The following TAFA1 variants were observed in gnomAD, a reference collection of about 807,000 sequenced individuals.
TAFA1 encodes TAFA chemokine like family member 1, also known as chemokine-like protein TAFA-1.
TAFA1 carries 4 observed loss-of-function variants against 18.5 expected under a neutral mutation model. That is an observed-to-expected ratio of 0.22 (90% CI 0.11 to 0.49). TAFA1 has a LOEUF of 0.49. TAFA1 is among the 20% of genes least tolerant of loss of function. TAFA1 has a pLI of 0.98. For missense variants in TAFA1, 147 were observed against 169.0 expected, an observed-to-expected ratio of 0.87 and a Z score of 0.72; for synonymous variants, 56 against 55.2, an observed-to-expected ratio of 1.01 and a Z score of -0.06.
At chr3:68,265,686 T>C (rs1305552956) in intron 2 of TAFA1, among the ~76,000 whole-genome samples, 1 of 152,178 alleles carries the variant, frequency 6.6e-6, no homozygotes, top group Non-Finnish European at 1.5e-5. Context: ...GGAAGGAGCC[T>C]GTCTTGCTGA....
intron 2 of TAFA1, among the ~76,000 whole-genome samples, chr3:68,159,179 G>A (rs2065897864): frequency 1.3e-5 from 2 of 152,330 alleles, no homozygotes; most frequent in African/African-American, 4.8e-5. Flanking sequence ...CTGGATAGAA[G>A]ATGATAGCAC....
At chr3:68,468,993 A>G (rs989173854) in intron 3 of TAFA1, among the ~76,000 whole-genome samples, 8 of 152,170 alleles carry the variant, frequency 5.3e-5, no homozygotes, top group African/African-American at 1.9e-4. Context: ...CCAGAAGAAA[A>G]GAAAGAAAAA....
intron 3 of TAFA1, among the ~76,000 whole-genome samples, chr3:68,489,177 A>G (rs2072405952): frequency 6.6e-6 from 1 of 152,178 alleles, no homozygotes; most frequent in Admixed American, 6.6e-5. Context: ...TTTTGTCATA[A>G]TACCAGGATT....
intron 2 of TAFA1, among the ~76,000 whole-genome samples, chr3:68,149,831 C>A (rs539583583): frequency 6.6e-6 from 1 of 152,252 alleles, no homozygotes; most frequent in South Asian, 2.1e-4. Context: ...AGACCTAGCA[C>A]GTGTGTTTCT....
At position 68,231,268 on chromosome 3, in the gene TAFA1, T is replaced by TAGC. The variant is rs200158777; in HGVS notation, c.119-186011_119-186009dup. Among the ~76,000 whole-genome samples the TAGC allele has an allele frequency of 2.7e-4, 41 of 151,566 alleles. No individual in the cohort carries two copies. The East Asian group carries it at 7.2e-3, about 26-fold the overall frequency. ...AAATGAACAACTCATTACCAACACA[T>TAGC]AGCTTACACAATTATCCTTTTATTA... On this transcript the variant is annotated intron_variant, in intron 2 of 4. Coordinates refer to ENST00000478136, the MANE Select transcript of TAFA1 (RefSeq NM_213609.4).
intron 3 of TAFA1, among the ~76,000 whole-genome samples, chr3:68,421,589 C>T (rs1240544174): frequency 6.6e-6 from 1 of 151,730 alleles, no homozygotes; most frequent in Non-Finnish European, 1.5e-5. Context: ...TTTCTAACCT[C>T]AGCTTCCTCG....
chr3:68,375,780 T>G (rs1179496297), intron 2 of TAFA1, among the ~76,000 whole-genome samples: 1 of 152,186 alleles, frequency 6.6e-6, no homozygotes, highest in Non-Finnish European at 1.5e-5. Context: ...CAGCCAAGTT[T>G]GAGACCATTG....
rs147537695 is a variant in TAFA1 at position 68,263,302 on chromosome 3, T to C, written c.119-153978T>C. Reference sequence around the variant, plus strand: ...TGCTAATACCTGACATACAATATGCTGTTTAGTCTCTTGAATAGAGACTAG... The same window carrying C: ...TGCTAATACCTGACATACAATATGCCGTTTAGTCTCTTGAATAGAGACTAG... On this transcript the variant is annotated intron_variant, in intron 2 of 4. Transcript: ENST00000478136. Among the ~76,000 whole-genome samples, 289 of 152,256 alleles carry C rather than the reference T, an allele frequency of 1.9e-3. 2 individuals are homozygous for C. Among genetic ancestry groups the C allele is most frequent in the African/African-American group, 6.6e-3 (273 of 41,542 alleles).
intron 3 of TAFA1, among the ~76,000 whole-genome samples, chr3:68,496,808 G>A (rs2072558015): frequency 6.6e-6 from 1 of 152,212 alleles, no homozygotes; most frequent in Admixed American, 6.5e-5. Flanking sequence ...TGGTGGGGGT[G>A]ATACCATTAC....
chr3:68,048,927 G>A (rs1011628505), intron 2 of TAFA1, among the ~76,000 whole-genome samples: 1 of 152,182 alleles, frequency 6.6e-6, no homozygotes, highest in African/African-American at 2.4e-5. Flanking sequence ...TAACATGGAT[G>A]TGCAGATATC....
At chr3:68,023,598 G>A (rs1191508717) in intron 2 of TAFA1, among the ~76,000 whole-genome samples, 2 of 151,928 alleles carry the variant, frequency 1.3e-5, no homozygotes, top group African/African-American at 4.8e-5. Flanking sequence ...TCTTTGTGAC[G>A]GTACTCTTTC....
intron 2 of TAFA1, among the ~76,000 whole-genome samples, chr3:68,081,790 G>T (rs930668316): frequency 6.6e-6 from 1 of 152,212 alleles, no homozygotes; most frequent in Non-Finnish European, 1.5e-5. Context: ...TGCCCCTAGA[G>T]GTGGAGCCTA....
intron 3 of TAFA1, among the ~76,000 whole-genome samples, chr3:68,535,310 A>G (rs2073259519): frequency 6.6e-6 from 1 of 151,970 alleles, no homozygotes; most frequent in Non-Finnish European, 1.5e-5. Flanking sequence ...ATAAATAAGT[A>G]CTTTTACCCA....
chr3:68,467,373 T>C (rs1219237610), intron 3 of TAFA1, among the ~76,000 whole-genome samples: 1 of 152,220 alleles, frequency 6.6e-6, no homozygotes, highest in Non-Finnish European at 1.5e-5. Context: ...TCACAGTTTA[T>C]GTTCTTCTGT....
rs1171129499 is a variant in TAFA1, at chr3:68,545,594, T to C, written c.*1091T>C. On this transcript the variant is annotated 3_prime_UTR_variant, in exon 5 of 5. Coordinates refer to ENST00000478136, the MANE Select transcript of TAFA1 (RefSeq NM_213609.4). Reference sequence around the variant, plus strand: ...TGTGACCAAATGTTGGACAGCCCTATTAAAGTGGTAAACAACTTCTTTCTA... The same window carrying C: ...TGTGACCAAATGTTGGACAGCCCTACTAAAGTGGTAAACAACTTCTTTCTA... 1 of 152,596 alleles carries C rather than the reference T, an allele frequency of 6.6e-6. No individual in the cohort carries two copies. The highest frequency in any genetic ancestry group is 2.4e-5 in the African/African-American group (1 of 41,458). The allele number at this position is 152,596 out of a possible 1,614,324, so 9.5% of individuals were successfully genotyped here.
chr3:68,245,916 C>T (rs2067068352), intron 2 of TAFA1, among the ~76,000 whole-genome samples: 1 of 152,188 alleles, frequency 6.6e-6, no homozygotes. Flanking sequence ...TCATCTAGGA[C>T]AGCCAGGGTA....
At chr3:68,068,777 A>G (rs1035722359) in intron 2 of TAFA1, among the ~76,000 whole-genome samples, 2 of 152,148 alleles carry the variant, frequency 1.3e-5, no homozygotes, top group Non-Finnish European at 2.9e-5. Flanking sequence ...GATCTTGTTT[A>G]GTCTTGTTCC....
At chr3:68,303,719 G>C (rs1016685195) in intron 2 of TAFA1, among the ~76,000 whole-genome samples, 1 of 152,048 alleles carries the variant, frequency 6.6e-6, no homozygotes, top group African/African-American at 2.4e-5. Context: ...AAAGTGCTGG[G>C]ATTACAGGCG....
chr3:68,207,860 A>G (rs959055065), intron 2 of TAFA1, among the ~76,000 whole-genome samples: 4 of 151,866 alleles, frequency 2.6e-5, no homozygotes, highest in Non-Finnish European at 5.9e-5. Context: ...GAGGATGAAA[A>G]CAAAGTGCTT....
Sources: gnomAD v4.1 joint callset for allele counts (sites outside exome capture counted in the v4.1 genomes callset) on GRCh38, gnomAD v4.1.1 for gene constraint, MANE v1.5 for transcripts, NCBI Gene and HGNC (gene_info 2026-07-23, HGNC 2026-07-21) for gene names.